ZNF892: variants seen among roughly 807,000 people sequenced by gnomAD.
ZNF892 encodes zinc finger protein 892, also known as zinc finger protein 570-like.
chr2:95,207,293 G>A, the ZNF892 span, among the ~76,000 whole-genome samples: 2 of 152,194 alleles, frequency 1.3e-5, no homozygotes, highest in African/African-American at 4.8e-5. Context: ...GTCCCACGCC[G>A]GGCGGGGTTT....
At chr2:95,228,696 T>C in the ZNF892 span, among the ~76,000 whole-genome samples, 1 of 152,222 alleles carries the variant, frequency 6.6e-6, no homozygotes, top group Non-Finnish European at 1.5e-5. Flanking sequence ...AATTCTGTTA[T>C]TCCTCCCACA....
At chr2:95,223,390 G>A in the ZNF892 span, among the ~76,000 whole-genome samples, 1 of 151,876 alleles carries the variant, frequency 6.6e-6, no homozygotes, top group Non-Finnish European at 1.5e-5. Context: ...TAATATTGGG[G>A]TTTTTTTGGG....
chr2:95,249,023 C>T, the ZNF892 span, among the ~76,000 whole-genome samples: 3 of 151,700 alleles, frequency 2.0e-5, no homozygotes, highest in Non-Finnish European at 4.4e-5. Flanking sequence ...CTCAAGTAAT[C>T]CTCCTGCCTC....
chr2:95,258,399 C>G, the ZNF892 span, among the ~76,000 whole-genome samples: 5 of 152,120 alleles, frequency 3.3e-5, no homozygotes, highest in African/African-American at 7.2e-5. Context: ...TCTAATGGAG[C>G]AAGGGTTGGG....
chr2:95,246,320 A>G, the ZNF892 span, among the ~76,000 whole-genome samples: 8 of 152,232 alleles, frequency 5.3e-5, no homozygotes, highest in African/African-American at 1.4e-4. Context: ...ACATCACTTC[A>G]TGTTAAAAAT....
At chr2:95,258,727 C>T in the ZNF892 span, among the ~76,000 whole-genome samples, 1 of 152,120 alleles carries the variant, frequency 6.6e-6, no homozygotes, top group Non-Finnish European at 1.5e-5. Context: ...CCTACCTCTC[C>T]CAGGGCCCCG....
At chr2:95,233,672 C>CA in the ZNF892 span, among the ~76,000 whole-genome samples, 655 of 35,164 alleles carry the variant, frequency 0.019, 198 homozygotes, top group East Asian at 0.049. Context: ...GACTCCATCT[C>CA]AAAAAAAAAA....
At chr2:95,214,317 G>GT in the ZNF892 span, 37 of 398,294 alleles carry the variant, frequency 9.3e-5, no homozygotes, top group Admixed American at 6.2e-4. Context: ...ATACACATGT[G>GT]TGTTTTTGCT....
chr2:95,217,803 CCT>C, the ZNF892 span, among the ~76,000 whole-genome samples: 2 of 152,152 alleles, frequency 1.3e-5, no homozygotes, highest in African/African-American at 2.4e-5. Context: ...CCAGGTAGCC[CCT>C]CTCCTAAGCC....
chr2:95,219,876 C>T, the ZNF892 span, among the ~76,000 whole-genome samples: 34 of 152,172 alleles, frequency 2.2e-4, no homozygotes, highest in Non-Finnish European at 3.8e-4. Flanking sequence ...CCCACTAGGC[C>T]TCTGCTGACA....
chr2:95,257,344 C>A, the ZNF892 span, among the ~76,000 whole-genome samples: 2 of 152,320 alleles, frequency 1.3e-5, no homozygotes, highest in South Asian at 4.1e-4. Context: ...ACTCCAGACC[C>A]TGTTTGCCTG....
chr2:95,256,658 G>A, the ZNF892 span, among the ~76,000 whole-genome samples: 1 of 152,188 alleles, frequency 6.6e-6, no homozygotes, highest in Admixed American at 6.5e-5. Flanking sequence ...ATAATATCCT[G>A]CAGAGTGTTT....
chr2:95,242,935 A>G, the ZNF892 span, among the ~76,000 whole-genome samples: 2 of 152,176 alleles, frequency 1.3e-5, no homozygotes, highest in Non-Finnish European at 2.9e-5. Flanking sequence ...ATCTCGGCTC[A>G]CTGCAACCTC....
chr2:95,229,160 G>A, the ZNF892 span, among the ~76,000 whole-genome samples: 1 of 152,252 alleles, frequency 6.6e-6, no homozygotes, highest in Admixed American at 6.5e-5. Flanking sequence ...GACTTCCTGA[G>A]GCTGTGTCAT....
the ZNF892 span, among the ~76,000 whole-genome samples, chr2:95,218,062 T>C: frequency 2.0e-5 from 3 of 152,230 alleles, no homozygotes; most frequent in African/African-American, 7.2e-5. Context: ...CTGTCCCCTT[T>C]AGTGCCAGGT....
At chr2:95,245,678 G>C in the ZNF892 span, among the ~76,000 whole-genome samples, 1 of 151,556 alleles carries the variant, frequency 6.6e-6, no homozygotes, top group South Asian at 2.1e-4. Context: ...GAAATGATAA[G>C]GGGGATATCT....
At chr2:95,260,926 A>G in the ZNF892 span, among the ~76,000 whole-genome samples, 32 of 152,292 alleles carry the variant, frequency 2.1e-4, no homozygotes, top group South Asian at 1.2e-3. Flanking sequence ...TGAATCCCAA[A>G]TGAGAAGGTG....
At chr2:95,214,399 C>T in the ZNF892 span, 1 of 398,442 alleles carries the variant, frequency 2.5e-6, no homozygotes, top group Admixed American at 4.4e-5. Flanking sequence ...GAAGAAGAAT[C>T]GGCTCCTGGG....
the ZNF892 span, among the ~76,000 whole-genome samples, chr2:95,213,950 A>AGACC: frequency 6.6e-6 from 1 of 152,160 alleles, no homozygotes; most frequent in Non-Finnish European, 1.5e-5. Flanking sequence ...AGTCTTTGGA[A>AGACC]GACCATCTTT....
Sources: gnomAD v4.1 joint callset for allele counts (sites outside exome capture counted in the v4.1 genomes callset) on GRCh38, gnomAD v4.1.1 for gene constraint, MANE v1.5 for transcripts, NCBI Gene and HGNC (gene_info 2026-07-23, HGNC 2026-07-21) for gene names.